The following RBM12 variants were observed in gnomAD, a reference collection of about 807,000 sequenced individuals.
RBM12 encodes RNA-binding protein 12.
In RBM12, 24 loss-of-function variants were observed where a neutral mutation model predicts 37.2. That is an observed-to-expected ratio of 0.65 (90% CI 0.47 to 0.91). The LOEUF is 0.91. Among genes scored for constraint, RBM12 ranks in the 40% least tolerant of loss-of-function variants. RBM12 has a pLI of 0.00. For missense variants in RBM12, 1,061 were observed against 1,183.2 expected, an observed-to-expected ratio of 0.90 and a Z score of 1.52; for synonymous variants, 420 against 425.2, an observed-to-expected ratio of 0.99 and a Z score of 0.15.
chr20:35,658,362 G>A (rs951685684), intron 2 of RBM12, among the ~76,000 whole-genome samples: 1 of 152,126 alleles, frequency 6.6e-6, no homozygotes, highest in Admixed American at 6.5e-5. Flanking sequence ...CTGCCTATCA[G>A]GAAAATCACA....
At chr20:35,664,047 C>CA (rs2146391966) in intron 1 of RBM12, among the ~76,000 whole-genome samples, 1 of 152,326 alleles carries the variant, frequency 6.6e-6, no homozygotes, top group African/African-American at 2.4e-5. Flanking sequence ...CTACAATTCT[C>CA]AGAGCCTCAG....
rs2033752626 is a variant in RBM12, at chr20:35,654,338, C to G, written c.985G>C (p.Val329Leu). 2 of 1,614,094 alleles carry G rather than the reference C, an allele frequency of 1.2e-6. No individual in the cohort carries two copies. Among genetic ancestry groups the G allele is most frequent in the Non-Finnish European group, 1.7e-6 (2 of 1,180,048 alleles). ...TCTTTCAACAAATGCACTGCATCAACACGGAGCCCATGAAAAAAATCTCTG... is the reference window on the plus strand; with the variant it reads ...TCTTTCAACAAATGCACTGCATCAAGACGGAGCCCATGAAAAAAATCTCTG... ...DVRDFFHGLR[V>L]DAVHLLKDHV... Residue 329 changes from valine (V) to leucine (L), a missense_variant, in exon 3 of 3, where the codon GTT becomes CTT. Physicochemically the swap from Val to Leu is conservative, Grantham distance 32. Coordinates refer to ENST00000374114, the MANE Select transcript of RBM12 (RefSeq NM_006047.6).
In RBM12 at chr20:35,653,631, T is replaced by A. The variant is rs201187053; in HGVS notation, c.1692A>T (p.Leu564=). 5 of 1,614,208 alleles carry A rather than the reference T, an allele frequency of 3.1e-6. No homozygotes were observed. The highest frequency in any genetic ancestry group is 4.2e-6 in the Non-Finnish European group (5 of 1,180,054). The change falls in exon 3 of 3, where the codon CTA becomes CTT. Residue 564 remains leucine (L), a synonymous_variant. Coordinates refer to ENST00000374114, the MANE Select transcript of RBM12 (RefSeq NM_006047.6). The stretch of plus-strand genomic sequence containing the variant: ...CATTTTCATCCACTGGGATTCCTTC[T>A]AGGAACTGAAGAACATCCATCTTTG... ...SITKMDVLQF[L]EGIPVDENAV...
At chr20:35,662,536 A>T (rs1415500051) in intron 1 of RBM12, among the ~76,000 whole-genome samples, 1 of 152,272 alleles carries the variant, frequency 6.6e-6, no homozygotes, top group African/African-American at 2.4e-5. Flanking sequence ...AAAAGTGGAC[A>T]TCATCAGTCT....
rs1568930022 is a variant in RBM12 at position 35,650,368 on chromosome 20, C to T, written c.*2156G>A. 1 of 152,300 alleles carries T rather than the reference C, an allele frequency of 6.6e-6. No individual in the cohort carries two copies. Among genetic ancestry groups the T allele is most frequent in the African/African-American group, 2.4e-5 (1 of 41,416 alleles). 9.4% of individuals were successfully genotyped at this position (152,300 alleles called of 1,614,324 possible). On this transcript the variant is annotated 3_prime_UTR_variant, in exon 3 of 3. Coordinates refer to ENST00000374114, the MANE Select transcript of RBM12 (RefSeq NM_006047.6). ...TTAATAAGAATGTACGAACATATAA[C>T]CAAAATAAATTGTGAAAAAAGATAA...
In RBM12 at chr20:35,653,528, G is replaced by A. The variant is rs2033689787; in HGVS notation, c.1795C>T (p.Arg599Cys). The A allele has an allele frequency of 3.1e-6, 5 of 1,613,994 alleles. No individual in the cohort carries two copies. The highest frequency in any genetic ancestry group is 2.2e-5 in the East Asian group (1 of 44,902). Residue 599 changes from arginine (R) to cysteine (C), a missense_variant, in exon 3 of 3, where the codon CGT becomes TGT. Coordinates refer to ENST00000374114, the MANE Select transcript of RBM12 (RefSeq NM_006047.6). ...TTACGGTGTAAGCGTTCAGACTTAC[G>A]TGCATCATCTTCATTTTTAAACTGA... The part of the protein sequence containing the change: ...LVQFKNEDDA[R>C]KSERLHRKKL...
chr20:35,656,439 C>A (rs939588113), intron 2 of RBM12, among the ~76,000 whole-genome samples: 2 of 152,230 alleles, frequency 1.3e-5, no homozygotes, highest in African/African-American at 2.4e-5. Flanking sequence ...GAAAGTGACA[C>A]AAACCGAATT....
intron 1 of RBM12, among the ~76,000 whole-genome samples, chr20:35,660,563 G>A (rs2034178385): frequency 6.6e-6 from 1 of 152,136 alleles, no homozygotes; most frequent in African/African-American, 2.4e-5. Flanking sequence ...TCATTTGAAA[G>A]CCATATCTAG....
At position 35,653,990 on chromosome 20, in the gene RBM12, G is replaced by C. The variant is rs762450698; in HGVS notation, c.1333C>G (p.His445Asp). ...KGLPFEAENK[H>D]VIDFFKKLDI... ...AGCTTTTTAAAAAAATCAATGACAT[G>C]TTTGTTTTCTGCTTCAAATGGTAGC... The change falls in exon 3 of 3, where the codon CAT (histidine) becomes GAT (aspartate). Residue 445 changes from histidine to aspartate, a missense_variant. By Grantham distance (81) the His-to-Asp change is moderately conservative. This residue lies in a region of RBM12 where 540 missense variants were observed against 632.7 expected (regional missense o/e 0.85). Transcript: ENST00000374114. 5.6e-6 allele frequency: 9 copies of C among 1,613,996 alleles called. No homozygotes were observed. Among genetic ancestry groups the C allele is most frequent in the Non-Finnish European group, 6.8e-6 (8 of 1,180,040 alleles).
Position 35,654,902 on chromosome 20 carries a change from G to T in RBM12, c.421C>A (p.His141Asn). 1 of 1,614,064 alleles carries T rather than the reference G, an allele frequency of 6.2e-7. No individual in the cohort carries two copies. The highest frequency in any genetic ancestry group is 8.5e-7 in the Non-Finnish European group (1 of 1,179,960). ...GTCTGTATGTTTTTGTTGCTTTCATGAACAGAAGTGGTGGCAGTAACTACA... is the reference window on the plus strand; with the variant it reads ...GTCTGTATGTTTTTGTTGCTTTCATTAACAGAAGTGGTGGCAGTAACTACA... The part of the protein sequence containing the change: ...PSVVTATTSV[H>N]ESNKNIQTFS... The change falls in exon 3 of 3, where the codon CAT (histidine) becomes AAT (asparagine). Residue 141 changes from histidine (H) to asparagine (N), a missense_variant. His to Asn is a moderately conservative substitution (Grantham distance 68). Coordinates refer to ENST00000374114, the MANE Select transcript of RBM12 (RefSeq NM_006047.6).
Position 35,654,458 on chromosome 20 carries a change from T to C in RBM12, c.865A>G (p.Asn289Asp). 6.2e-7 allele frequency: 1 copy of C among 1,614,226 alleles called. No individual in the cohort carries two copies. Among genetic ancestry groups the C allele is most frequent in the Non-Finnish European group, 8.5e-7 (1 of 1,180,040 alleles). Residue 289 changes from asparagine (N) to aspartate (D), a missense_variant, in exon 3 of 3, where the codon AAC becomes GAC. Around this residue, in one of 3 missense-constraint regions of RBM12, gnomAD observed 540 missense variants for 632.7 expected, o/e 0.85. Coordinates refer to ENST00000374114, the MANE Select transcript of RBM12 (RefSeq NM_006047.6). Reference protein sequence around the residue: ...PLNPVNPIQMNSQSSVKPLPI... With the variant: ...PLNPVNPIQMDSQSSVKPLPI... ...AGTGGCTTCACACTGCTCTGAGAGTTCATCTGGATAGGGTTAACAGGATTC... is the reference window on the plus strand; with the variant it reads ...AGTGGCTTCACACTGCTCTGAGAGTCCATCTGGATAGGGTTAACAGGATTC...
Position 35,654,421 on chromosome 20 carries a change from G to C in RBM12, c.902C>G (p.Pro301Arg). 6.2e-7 allele frequency: 1 copy of C among 1,614,192 alleles called. No individual in the cohort carries two copies. Among genetic ancestry groups the C allele is most frequent in the South Asian group, 1.1e-5 (1 of 91,078 alleles). ...QSSVKPLPIN[P>R]DDLYVSVHGM... is the part of the protein sequence containing the mutation. ...ATGCACACTGACATACAGATCATCAGGGTTGATGGGGAGTGGCTTCACACT... is the reference window on the plus strand; with the variant it reads ...ATGCACACTGACATACAGATCATCACGGTTGATGGGGAGTGGCTTCACACT... The change falls in exon 3 of 3, where the codon CCT (proline) becomes CGT (arginine). Residue 301 changes from proline (P) to arginine (R), a missense_variant. Pro to Arg is a moderately radical substitution (Grantham distance 103, BLOSUM62 -2). Around this residue, in one of 3 missense-constraint regions of RBM12, gnomAD observed 540 missense variants for 632.7 expected, o/e 0.85. Transcript: ENST00000374114.
intron 2 of RBM12, among the ~76,000 whole-genome samples, chr20:35,656,982 T>C (rs1402038070): frequency 6.6e-6 from 1 of 152,222 alleles, no homozygotes; most frequent in African/African-American, 2.4e-5. Flanking sequence ...ATATAAATAC[T>C]AATGCAACAA....
chr20:35,655,289 T>G lies in RBM12; in HGVS notation c.34A>C (p.Ile12Leu). The change falls in exon 3 of 3, where the codon ATT (isoleucine) becomes CTT (leucine). Residue 12 changes from isoleucine (I) to leucine (L), a missense_variant. Around this residue, in one of 3 missense-constraint regions of RBM12, gnomAD observed 540 missense variants for 632.7 expected, o/e 0.85. Coordinates refer to ENST00000374114, the MANE Select transcript of RBM12 (RefSeq NM_006047.6). Reference protein sequence around the residue: ...AVVIRLQGLPIVAGTMDIRHF... With the variant: ...AVVIRLQGLPLVAGTMDIRHF... The stretch of plus-strand genomic sequence containing the variant: ...CGAATGTCCATGGTCCCCGCCACAA[T>G]TGGGAGACCTTGCAAACGGATGACC... The G allele has an allele frequency of 6.2e-7, 1 of 1,611,640 alleles. No homozygotes were observed. Among genetic ancestry groups the G allele is most frequent in the South Asian group, 1.1e-5 (1 of 91,056 alleles).
intron 2 of RBM12, among the ~76,000 whole-genome samples, chr20:35,655,819 A>G (rs776010287): frequency 3.8e-4 from 58 of 152,228 alleles, no homozygotes; most frequent in Non-Finnish European, 6.3e-4. Flanking sequence ...GATTTTATAG[A>G]GCTCAGTCTC....
chr20:35,663,731 G>GT (rs1398597765), intron 1 of RBM12, among the ~76,000 whole-genome samples: 1 of 152,058 alleles, frequency 6.6e-6, no homozygotes, highest in Non-Finnish European at 1.5e-5. Context: ...TAAAGCACAC[G>GT]TTGGAGGCAC....
rs2033360826 is a variant in RBM12 at position 35,649,619 on chromosome 20, A to C, written c.*2905T>G. The C allele has an allele frequency of 6.6e-6, 1 of 152,668 alleles. No individual in the cohort carries two copies. The highest frequency in any genetic ancestry group is 2.1e-4 in the South Asian group (1 of 4,838). 9.5% of individuals were successfully genotyped at this position (152,668 alleles called of 1,614,324 possible). On this transcript the variant is annotated 3_prime_UTR_variant, in exon 3 of 3. Coordinates refer to ENST00000374114, the MANE Select transcript of RBM12 (RefSeq NM_006047.6). ...TAATTGTACATCCAAACTACTGTGT[A>C]AACACAGAACACACCTCCAAATTAT...
rs371378890 is a variant in RBM12 at position 35,649,868 on chromosome 20, T to C, written c.*2656A>G. 5.3e-5 allele frequency: 8 copies of C among 152,216 alleles called. No individual in the cohort carries two copies. The highest frequency in any genetic ancestry group is 1.7e-4 in the African/African-American group (7 of 41,438). The allele number at this position is 152,216 out of a possible 1,614,324, so 9.4% of individuals were successfully genotyped here. A position where few individuals can be genotyped will look rare whatever the true frequency, so the allele number is the denominator to read the frequency against. On this transcript the variant is annotated 3_prime_UTR_variant, in exon 3 of 3. Transcript: ENST00000374114. ...CAGACAATAAAATTTACACATAAAA[T>C]TGAAAATATCATGATAGTGTTTACA...
chr20:35,660,528 T>A (rs1215481314), intron 1 of RBM12, among the ~76,000 whole-genome samples: 1 of 152,164 alleles, frequency 6.6e-6, no homozygotes, highest in Admixed American at 6.5e-5. Context: ...CTAGCCTAAC[T>A]AAGTCTAAGG....
Sources: allele counts gnomAD v4.1 joint callset (sites outside exome capture counted in the v4.1 genomes callset), GRCh38; gene constraint gnomAD v4.1.1; regional missense constraint gnomAD v4.1.1; transcripts MANE v1.5; gene names NCBI Gene and HGNC (gene_info 2026-07-23, HGNC 2026-07-21).